Variants in WDR4 observed in about 807,000 individuals in gnomAD.
The protein encoded by WDR4 is WDR4 tRNA N7-guanosine methyltransferase non-catalytic subunit.
Under a neutral mutation model 48.6 loss-of-function variants are expected in WDR4, and 47 were observed. The ratio of observed to expected loss-of-function variants is 0.97; its 90% CI spans 0.77 to 1.23. The LOEUF is 1.23. WDR4 is among the 50% of genes most tolerant of loss of function. The pLI is 0.00. For missense variants in WDR4, 606 were observed against 551.6 expected (o/e 1.10, Z -0.99); for synonymous variants, 268 against 230.0 (o/e 1.17, Z -1.49).
Position 42,876,693 on chromosome 21 carries a change from A to G in WDR4, c.155+9T>C. Reference sequence around the variant, plus strand: ...AAGCAGGCCCTGAAAAAGCTTCCCCACATCTCACCCTTTATTTTCTTGTGA... The same window carrying G: ...AAGCAGGCCCTGAAAAAGCTTCCCCGCATCTCACCCTTTATTTTCTTGTGA... On this transcript the variant is annotated intron_variant, in intron 2 of 10. Coordinates refer to ENST00000398208, the MANE Select transcript of WDR4 (RefSeq NM_018669.6). 2.5e-6 allele frequency: 4 copies of G among 1,612,932 alleles called. No homozygotes were observed. The highest frequency in any genetic ancestry group is 3.4e-6 in the Non-Finnish European group (4 of 1,179,566).
intron 1 of WDR4, 29 bp from the exon 2 acceptor site, chr21:42,876,796 G>T: frequency 6.3e-7 from 1 of 1,591,710 alleles, no homozygotes; most frequent in African/African-American, 1.4e-5. Context: ...AATTTTAAAA[G>T]GAGTTATCAT....
intron 7 of WDR4, 73 bp downstream of exon 7, chr21:42,855,608 CT>C: frequency 8.3e-7 from 1 of 1,210,260 alleles, no homozygotes; most frequent in Non-Finnish European, 1.1e-6. Flanking sequence ...GGCGAAGTGA[CT>C]TTTCCACTCA....
At chr21:42,886,072 T>G in the WDR4 span, among the ~76,000 whole-genome samples, 5 of 151,832 alleles carry the variant, frequency 3.3e-5, no homozygotes, top group African/African-American at 1.2e-4. Flanking sequence ...TTCTCCTGTC[T>G]CAGCCTCCCG....
chr21:42,861,266 A>G (rs1161471101), intron 5 of WDR4, among the ~76,000 whole-genome samples: 1 of 144,842 alleles, frequency 6.9e-6, no homozygotes, highest in Non-Finnish European at 1.5e-5. Flanking sequence ...GTGAGCCAAG[A>G]TCACGCCACT....
chr21:42,864,037 G>C (rs34216352), intron 3 of WDR4, among the ~76,000 whole-genome samples: 4,397 of 78,270 alleles, frequency 0.056, 855 homozygotes, highest in Middle Eastern at 0.16. Context: ...AACCCGGGAG[G>C]CGGAGCTTGC....
intron 7 of WDR4, among the ~76,000 whole-genome samples, chr21:42,855,101 G>C (rs970954635): frequency 2.6e-5 from 4 of 151,062 alleles, no homozygotes; most frequent in Non-Finnish European, 4.4e-5. Context: ...CTGCACTCCA[G>C]CCTGGGCAAG....
chr21:42,853,374 C>A (rs577212633), intron 9 of WDR4, among the ~76,000 whole-genome samples, 195 bp downstream of exon 9: 2 of 152,328 alleles, frequency 1.3e-5, no homozygotes, highest in East Asian at 3.9e-4. Flanking sequence ...GCCAGCCACG[C>A]CGGCCTGGCA....
rs992699583 is a variant in WDR4, at chr21:42,843,753, G to A, written c.*9-472C>T. Among the ~76,000 whole-genome samples, 6 of 152,218 alleles carry A rather than the reference G, an allele frequency of 3.9e-5. 1 individual carries two copies. Among genetic ancestry groups the A allele is most frequent in the Non-Finnish European group, 8.8e-5 (6 of 68,024 alleles). On this transcript the variant is annotated intron_variant, in intron 11 of 11. Transcript: ENST00000330317. ...GCTAATTTTTTATATTTTTAGTAGAGACAGGGTTTCACCATATTGGCCAAG... is the reference window on the plus strand; with the variant it reads ...GCTAATTTTTTATATTTTTAGTAGAAACAGGGTTTCACCATATTGGCCAAG...
intron 3 of WDR4, among the ~76,000 whole-genome samples, chr21:42,872,924 C>T (rs926760698): frequency 1.3e-5 from 2 of 152,056 alleles, no homozygotes; most frequent in Non-Finnish European, 2.9e-5. Flanking sequence ...GCAACAAAAG[C>T]AAAACTCCGT....
the WDR4 span, among the ~76,000 whole-genome samples, chr21:42,884,610 G>C: frequency 6.6e-6 from 1 of 151,438 alleles, no homozygotes; most frequent in South Asian, 2.1e-4. Flanking sequence ...TCACGCCATT[G>C]CACTCCAGCC....
rs764742867 is a variant in WDR4, at chr21:42,879,503, C to G, written c.-8G>C. 15 of 1,613,014 alleles carry G rather than the reference C, an allele frequency of 9.3e-6. No individual in the cohort carries two copies. The African/African-American group carries it at 1.1e-4, about 11-fold the overall frequency. ...TCCCACAGAGCCCGCCATGTACCCG[C>G]CCGCCTCACCGCCATACACATGTGC... On this transcript the variant is annotated 5_prime_UTR_variant, in exon 1 of 11. Coordinates refer to ENST00000398208, the MANE Select transcript of WDR4 (RefSeq NM_018669.6).
chr21:42,852,651 C>G (rs1479764134), intron 9 of WDR4, among the ~76,000 whole-genome samples: 1 of 152,220 alleles, frequency 6.6e-6, no homozygotes, highest in Non-Finnish European at 1.5e-5. Flanking sequence ...CGCAGTGGCT[C>G]ATACCTGTAA....
At chr21:42,878,740 A>C (rs187761711) in intron 1 of WDR4, among the ~76,000 whole-genome samples, 1 of 152,170 alleles carries the variant, frequency 6.6e-6, no homozygotes, top group Non-Finnish European at 1.5e-5. Context: ...CTGGCGATAC[A>C]CTAAGGAAGG....
Position 42,850,225 on chromosome 21 carries a change from C to G in WDR4, c.1063G>C (p.Ala355Pro), listed in dbSNP as rs769632394. The G allele has an allele frequency of 6.3e-7, 1 of 1,597,402 alleles. No homozygotes were observed. The highest frequency in any genetic ancestry group is 1.8e-5 in the Admixed American group (1 of 56,814). The change falls in exon 11 of 11, where the codon GCC becomes CCC. Residue 355 changes from alanine to proline, a missense_variant. Coordinates refer to ENST00000398208, the MANE Select transcript of WDR4 (RefSeq NM_018669.6). The stretch of plus-strand genomic sequence containing the variant: ...GCCTTGTAGAGACTGCTGAAGCTGG[C>G]GTCTGCGCCGGCAGAGCCTGTGATG... ...AMLEGSAGAD[A>P]SFSSLYKATF... is the part of the protein sequence containing the mutation.
chr21:42,891,032 C>T, the WDR4 span, among the ~76,000 whole-genome samples: 1 of 152,094 alleles, frequency 6.6e-6, no homozygotes, highest in Non-Finnish European at 1.5e-5. Context: ...CTTCAAAAAC[C>T]ATCAAGATGG....
chr21:42,863,908 C>A (rs545559442), intron 3 of WDR4, among the ~76,000 whole-genome samples: 46,364 of 113,136 alleles, frequency 0.41, 11,907 homozygotes, highest in African/African-American at 0.73. Context: ...AGATTGAGAC[C>A]ATTCTGGCTA....
chr21:42,855,367 T>C (rs974112315), intron 7 of WDR4, among the ~76,000 whole-genome samples: 1 of 152,190 alleles, frequency 6.6e-6, no homozygotes, highest in Non-Finnish European at 1.5e-5. Flanking sequence ...GGAGTGGGCC[T>C]GGCCCCACCC....
At chr21:42,883,047 C>T (rs1419316069), upstream of WDR4, among the ~76,000 whole-genome samples, 12 of 141,632 alleles carry the variant, frequency 8.5e-5, no homozygotes, top group South Asian at 2.1e-4. Context: ...TGCAATAAGC[C>T]GAGATCATGC....
At chr21:42,887,567 G>C in the WDR4 span, among the ~76,000 whole-genome samples, 6 of 152,172 alleles carry the variant, frequency 3.9e-5, no homozygotes, top group Admixed American at 3.3e-4. Context: ...AGCAACAGGA[G>C]GTGGTTGTGA....
Sources: gnomAD v4.1 joint callset for allele counts (sites outside exome capture counted in the v4.1 genomes callset) on GRCh38, gnomAD v4.1.1 for gene constraint, MANE v1.5 for transcripts, NCBI Gene and HGNC (gene_info 2026-07-23, HGNC 2026-07-21) for gene names.